The following COX7B2 variants were observed in gnomAD, a reference collection of about 807,000 sequenced individuals.
COX7B2 encodes cytochrome c oxidase subunit 7B2.
For missense variants in COX7B2, 109 were observed against 95.9 expected (o/e 1.14, Z -0.57); for synonymous variants, 37 against 32.1 (o/e 1.15, Z -0.51).
intron 2 of COX7B2, among the ~76,000 whole-genome samples, chr4:46,782,612 T>G (rs1365768692): frequency 6.6e-6 from 1 of 152,218 alleles, no homozygotes; most frequent in Non-Finnish European, 1.5e-5. Flanking sequence ...TTTGTTCTTT[T>G]GCTCTTCACA....
At chr4:46,741,310 C>A (rs1442413646) in intron 2 of COX7B2, among the ~76,000 whole-genome samples, 6 of 152,006 alleles carry the variant, frequency 3.9e-5, no homozygotes, top group African/African-American at 9.7e-5. Context: ...ATGAATAATT[C>A]TTTGTTGGAG....
At chr4:46,871,892 C>A (rs148931697) in intron 1 of COX7B2, among the ~76,000 whole-genome samples, 1 of 152,128 alleles carries the variant, frequency 6.6e-6, no homozygotes, top group Non-Finnish European at 1.5e-5. Flanking sequence ...ATTATTCCAA[C>A]TATTGTAGAA....
At chr4:46,813,110 G>A (rs1011677275) in intron 2 of COX7B2, among the ~76,000 whole-genome samples, 2 of 152,122 alleles carry the variant, frequency 1.3e-5, no homozygotes, top group Non-Finnish European at 2.9e-5. Context: ...CCACCAACTG[G>A]GATGGGGATA....
chr4:46,806,519 A>C (rs1223315315), intron 2 of COX7B2, among the ~76,000 whole-genome samples: 1 of 152,112 alleles, frequency 6.6e-6, no homozygotes, highest in Non-Finnish European at 1.5e-5. Flanking sequence ...CATTTCATAT[A>C]GTTACTCAAT....
chr4:46,749,857 G>T (rs1006793571), intron 2 of COX7B2, among the ~76,000 whole-genome samples: 8 of 152,136 alleles, frequency 5.3e-5, no homozygotes, highest in Non-Finnish European at 1.2e-4. Flanking sequence ...TAATAATTCA[G>T]ATCTAGAGTT....
chr4:46,893,936 A>G (rs559849885), intron 1 of COX7B2, among the ~76,000 whole-genome samples: 2 of 152,290 alleles, frequency 1.3e-5, no homozygotes, highest in East Asian at 3.9e-4. Context: ...AGAATAAAAT[A>G]CCTAGGAATA....
chr4:46,745,860 C>G (rs1005908525), intron 2 of COX7B2, among the ~76,000 whole-genome samples: 1 of 152,138 alleles, frequency 6.6e-6, no homozygotes. Flanking sequence ...CAATTACATT[C>G]TTGTTTCAGA....
intron 2 of COX7B2, among the ~76,000 whole-genome samples, chr4:46,831,394 C>T (rs1312961098): frequency 6.6e-6 from 1 of 152,168 alleles, no homozygotes; most frequent in Non-Finnish European, 1.5e-5. Context: ...GGCTCCACGG[C>T]ACCCTGTCCC....
chr4:46,797,743 C>T (rs1332008293), intron 2 of COX7B2, among the ~76,000 whole-genome samples: 1 of 152,176 alleles, frequency 6.6e-6, no homozygotes, highest in African/African-American at 2.4e-5. Flanking sequence ...TGAAGAATGA[C>T]TGTGGATTAT....
At chr4:46,779,175 T>C (rs1267959493) in intron 2 of COX7B2, among the ~76,000 whole-genome samples, 2 of 152,210 alleles carry the variant, frequency 1.3e-5, no homozygotes, top group Non-Finnish European at 1.5e-5. Context: ...ACTTATATTA[T>C]TACATTTAAT....
At chr4:46,862,245 G>A (rs1717378635) in intron 1 of COX7B2, among the ~76,000 whole-genome samples, 1 of 152,182 alleles carries the variant, frequency 6.6e-6, no homozygotes, top group Admixed American at 6.5e-5. Flanking sequence ...CTATTCTATA[G>A]CTTTCCTTGG....
chr4:46,772,863 G>C (rs2109522941), intron 2 of COX7B2, among the ~76,000 whole-genome samples: 1 of 152,286 alleles, frequency 6.6e-6, no homozygotes, highest in South Asian at 2.1e-4. Context: ...CCGTTAAGTA[G>C]ACAGTAGGAC....
At chr4:46,773,431 T>C (rs1306465933) in intron 2 of COX7B2, among the ~76,000 whole-genome samples, 2 of 152,176 alleles carry the variant, frequency 1.3e-5, no homozygotes, top group African/African-American at 2.4e-5. Flanking sequence ...TCTGCATGAC[T>C]GTAAACTTTC....
intron 2 of COX7B2, among the ~76,000 whole-genome samples, chr4:46,809,004 C>A (rs1719149678): frequency 6.6e-6 from 1 of 151,756 alleles, no homozygotes. Flanking sequence ...CTTGTCATGT[C>A]TTTGTCTGAC....
At chr4:46,789,971 A>AT (rs940142879) in intron 2 of COX7B2, among the ~76,000 whole-genome samples, 2 of 151,926 alleles carry the variant, frequency 1.3e-5, no homozygotes, top group Non-Finnish European at 2.9e-5. Context: ...GAAGGAAATA[A>AT]TTTTTTTCTG....
chr4:46,858,163 G>A lies in COX7B2; in HGVS notation c.-104-13149C>T, dbSNP rs543787340. 5.3e-5 allele frequency among the ~76,000 whole-genome samples: 8 copies of A among 152,118 alleles called. No individual in the cohort carries two copies. The South Asian group carries it at 8.3e-4, about 16-fold the overall frequency. ...GGCTGGAGTGCAGTGGCATGATCTC[G>A]GCTTACTGCAATCTCCACCTCCCAG... is the stretch of plus-strand genomic sequence containing the variant. On this transcript the variant is annotated intron_variant, in intron 1 of 2. Coordinates refer to ENST00000355591, the MANE Select transcript of COX7B2 (RefSeq NM_130902.3).
intron 2 of COX7B2, among the ~76,000 whole-genome samples, chr4:46,755,615 A>C (rs2109451729): frequency 6.6e-6 from 1 of 152,286 alleles, no homozygotes; most frequent in East Asian, 1.9e-4. Flanking sequence ...GAATTCAATA[A>C]AATTTCAAGA....
intron 2 of COX7B2, among the ~76,000 whole-genome samples, chr4:46,795,467 C>T (rs1187999553): frequency 7.6e-6 from 1 of 131,672 alleles, no homozygotes; most frequent in South Asian, 2.5e-4. Context: ...ATCCTTTCCC[C>T]ATTGCTTGTT....
At chr4:46,792,489 T>A (rs1280118613) in intron 2 of COX7B2, among the ~76,000 whole-genome samples, 1 of 152,194 alleles carries the variant, frequency 6.6e-6, no homozygotes, top group Non-Finnish European at 1.5e-5. Context: ...GTTTGAATTC[T>A]CTCTTTCTCT....
Sources: allele counts gnomAD v4.1 joint callset (sites outside exome capture counted in the v4.1 genomes callset), GRCh38; gene constraint gnomAD v4.1.1; transcripts MANE v1.5; gene names NCBI Gene and HGNC (gene_info 2026-07-23, HGNC 2026-07-21).